Variants in ROBO2 observed in about 807,000 individuals in gnomAD.
The protein encoded by ROBO2 is roundabout guidance receptor 2.
Under a neutral mutation model 160.8 loss-of-function variants are expected in ROBO2, and 53 were observed. The observed-to-expected ratio is 0.33, with a 90% CI of 0.26 to 0.41. The LOEUF is 0.41. Among genes scored for constraint, ROBO2 ranks in the 10% least tolerant of loss-of-function variants. The pLI is 1.00. For synonymous variants in ROBO2, 664 were observed against 611.7 expected, an observed-to-expected ratio of 1.09 and a Z score of -1.26; for missense variants, 1,577 against 1,722.4, an observed-to-expected ratio of 0.92 and a Z score of 1.49.
chr3:76,697,802 C>A (rs919724701), intron 2 of ROBO2, among the ~76,000 whole-genome samples: 4 of 151,946 alleles, frequency 2.6e-5, no homozygotes, highest in Non-Finnish European at 4.4e-5. Flanking sequence ...AATGAAATAA[C>A]CATCACAATA....
At position 76,418,371 on chromosome 3, in the gene ROBO2, G is replaced by A. The variant is rs189426659; in HGVS notation, c.109+480769G>A. On this transcript the variant is annotated intron_variant, in intron 2 of 26. Coordinates refer to the ROBO2 transcript ENST00000487694. ...TTCTCCTGCCTCAGCCTCCAGAGTAGCTGGGACTACAGGTGAATGCCACCA... is the reference window on the plus strand; with the variant it reads ...TTCTCCTGCCTCAGCCTCCAGAGTAACTGGGACTACAGGTGAATGCCACCA... 4.1e-3 allele frequency among the ~76,000 whole-genome samples: 619 copies of A among 152,218 alleles called. 6 individuals carry two copies. Among genetic ancestry groups the A allele is most frequent in the African/African-American group, 0.014 (583 of 41,544 alleles).
intron 2 of ROBO2, among the ~76,000 whole-genome samples, chr3:75,995,296 G>A (rs591375): frequency 4.9e-4 from 74 of 152,256 alleles, no homozygotes; most frequent in Admixed American, 1.1e-3. Flanking sequence ...CCTTGCTGCC[G>A]TGTACAGTCT....
intron 2 of ROBO2, among the ~76,000 whole-genome samples, chr3:75,946,010 C>T (rs1347201683): frequency 1.3e-5 from 2 of 152,050 alleles, no homozygotes; most frequent in Non-Finnish European, 2.9e-5. Context: ...GGAACTAGGA[C>T]TTACCGGAAA....
At chr3:77,294,314 C>T (rs183946303) in intron 2 of ROBO2, among the ~76,000 whole-genome samples, 120 of 137,628 alleles carry the variant, frequency 8.7e-4, no homozygotes, top group Non-Finnish European at 1.2e-3. Flanking sequence ...GACGGTTAAA[C>T]GGGTAAGCTG....
At position 76,697,595 on chromosome 3, in the gene ROBO2, A is replaced by G. The variant is rs189080099; in HGVS notation, c.110-400419A>G. 1.7e-3 allele frequency among the ~76,000 whole-genome samples: 266 copies of G among 152,242 alleles called. 2 individuals carry two copies. The highest frequency in any genetic ancestry group is 6.0e-3 in the African/African-American group (250 of 41,556). ...CTGCGATTTCTAGCTGCAGTGAACC[A>G]TAATTGCAACACTGCACTCCAGCCT... On this transcript the variant is annotated intron_variant, in intron 2 of 26. Transcript: ENST00000487694.
In ROBO2 at chr3:77,298,682, G is replaced by A. The variant is rs138397756; in HGVS notation, c.389-178732G>A. On this transcript the variant is annotated intron_variant, in intron 2 of 25. Transcript: ENST00000461745. ...ACAGCAAGTTATCCTCAGCAGAGCC[G>A]TGAACAGAAAACTTTGGTTGGGCTT... is the stretch of plus-strand genomic sequence containing the variant. 4.4e-3 allele frequency among the ~76,000 whole-genome samples: 674 copies of A among 152,218 alleles called. 8 individuals are homozygous for A. Among genetic ancestry groups the A allele is most frequent in the African/African-American group, 0.015 (639 of 41,570 alleles).
intron 2 of ROBO2, among the ~76,000 whole-genome samples, chr3:77,384,319 T>C (rs978309507): frequency 6.6e-6 from 1 of 152,194 alleles, no homozygotes; most frequent in African/African-American, 2.4e-5. Flanking sequence ...TACACTGGCT[T>C]ACACTAAAGT....
At chr3:77,098,727 G>T (rs917106371) in intron 2 of ROBO2, among the ~76,000 whole-genome samples, 1 of 152,026 alleles carries the variant, frequency 6.6e-6, no homozygotes, top group Non-Finnish European at 1.5e-5. Context: ...CATGGTGGCG[G>T]CGCCTGTAGT....
At chr3:76,214,441 G>A (rs1031358201) in intron 2 of ROBO2, among the ~76,000 whole-genome samples, 21 of 152,136 alleles carry the variant, frequency 1.4e-4, no homozygotes, top group African/African-American at 2.2e-4. Context: ...GATGGCACCC[G>A]GAAAATCTGG....
intron 2 of ROBO2, among the ~76,000 whole-genome samples, chr3:76,207,966 T>C (rs1021897481): frequency 3.9e-5 from 6 of 152,206 alleles, no homozygotes; most frequent in African/African-American, 1.4e-4. Flanking sequence ...GCTGTTCTTA[T>C]GATAGTGTGT....
At chr3:76,381,937 A>G (rs2076647116) in intron 2 of ROBO2, among the ~76,000 whole-genome samples, 1 of 152,054 alleles carries the variant, frequency 6.6e-6, no homozygotes, top group South Asian at 2.1e-4. Flanking sequence ...ATGTATATAT[A>G]GAATATTTAG....
At chr3:77,354,148 C>T (rs1039009058) in intron 2 of ROBO2, among the ~76,000 whole-genome samples, 1 of 152,100 alleles carries the variant, frequency 6.6e-6, no homozygotes, top group South Asian at 2.1e-4. Flanking sequence ...TTTTGAGAAC[C>T]CCCAGAAGAG....
chr3:75,955,143 A>C (rs140833429), intron 2 of ROBO2, among the ~76,000 whole-genome samples: 1 of 151,838 alleles, frequency 6.6e-6, no homozygotes, highest in East Asian at 1.9e-4. Flanking sequence ...GGTTTGTGTC[A>C]CTGGAAATGT....
chr3:76,974,928 G>A (rs1036140310), intron 2 of ROBO2, among the ~76,000 whole-genome samples: 26 of 151,804 alleles, frequency 1.7e-4, no homozygotes, highest in African/African-American at 5.3e-4. Flanking sequence ...ATAATAGCCC[G>A]TCCTCACTCT....
intron 2 of ROBO2, among the ~76,000 whole-genome samples, chr3:76,102,816 C>A (rs758740545): frequency 6.8e-6 from 1 of 146,930 alleles, no homozygotes; most frequent in African/African-American, 2.6e-5. Flanking sequence ...TGTTTTAATA[C>A]AAAGAGACCT....
Position 76,134,189 on chromosome 3 carries a change from C to T in ROBO2, c.109+196587C>T, listed in dbSNP as rs2071339497. Among the ~76,000 whole-genome samples, 5 of 152,246 alleles carry T rather than the reference C, an allele frequency of 3.3e-5. No individual in the cohort carries two copies. In the South Asian group the frequency reaches 1.0e-3, roughly 32 times the overall value. On this transcript the variant is annotated intron_variant, in intron 2 of 26. Coordinates refer to the ROBO2 transcript ENST00000487694. ...ACATAGCCTTATACTTCTGATGTAA[C>T]TTAATTAAATTACTAAAAGACACGA...
intron 2 of ROBO2, among the ~76,000 whole-genome samples, chr3:76,132,341 G>A (rs1401357643): frequency 1.5e-5 from 2 of 135,516 alleles, no homozygotes; most frequent in Non-Finnish European, 3.1e-5. Flanking sequence ...GTTTTCACTG[G>A]GCCTAGTCAT....
intron 2 of ROBO2, among the ~76,000 whole-genome samples, chr3:76,507,055 T>C (rs1184570181): frequency 6.6e-6 from 1 of 152,178 alleles, no homozygotes; most frequent in Non-Finnish European, 1.5e-5. Context: ...ATAATGTTGA[T>C]TGTTTGCTGT....
At chr3:75,933,585 G>T (rs1310923250) in intron 1 of ROBO2, among the ~76,000 whole-genome samples, 1 of 151,706 alleles carries the variant, frequency 6.6e-6, no homozygotes, top group Non-Finnish European at 1.5e-5. Context: ...ACTCTTTCTA[G>T]ATAACAATGA....
Sources: gnomAD v4.1 joint callset for allele counts (sites outside exome capture counted in the v4.1 genomes callset) on GRCh38, gnomAD v4.1.1 for gene constraint, MANE v1.5 for transcripts, NCBI Gene and HGNC (gene_info 2026-07-23, HGNC 2026-07-21) for gene names.